FAT1: variants seen among roughly 807,000 people sequenced by gnomAD.
FAT1 encodes protocadherin Fat 1.
A neutral mutation model predicts 329.8 loss-of-function variants in FAT1; 171 were observed. The observed-to-expected ratio is 0.52, with a 90% confidence interval of 0.46 to 0.59. The LOEUF is 0.59. Among genes scored for constraint, FAT1 ranks in the 20% least tolerant of loss-of-function variants. The pLI, the probability that FAT1 is intolerant of heterozygous loss-of-function variation, is 0.00. For missense variants in FAT1, 5,672 were observed against 5,774.4 expected (o/e 0.98, Z 0.57); for synonymous variants, 2,233 against 2,228.6 (o/e 1.00, Z -0.06).
intron 3 of FAT1, among the ~76,000 whole-genome samples, chr4:186,660,649 G>T (rs1020620955): frequency 6.6e-6 from 1 of 152,218 alleles, no homozygotes; most frequent in African/African-American, 2.4e-5. Flanking sequence ...TGGACACCTG[G>T]AGAGGGTTTA....
intron 2 of FAT1, among the ~76,000 whole-genome samples, chr4:186,682,755 C>T (rs527861870): frequency 3.3e-5 from 5 of 152,122 alleles, no homozygotes; most frequent in Non-Finnish European, 7.3e-5. Flanking sequence ...AGAGGCAGCC[C>T]GGCAGATCAG....
rs2126505458 is a variant in FAT1 at position 186,619,427 on chromosome 4, G to C, written c.7159C>G (p.Pro2387Ala). Residue 2387 changes from proline (P) to alanine (A), a missense_variant, in exon 10 of 27, where the codon CCA (proline) becomes GCA (alanine). Coordinates refer to ENST00000441802, the MANE Select transcript of FAT1 (RefSeq NM_005245.4). The stretch of plus-strand genomic sequence containing the variant: ...TAAATCTGTTGTTCAAAGAGTGGTG[G>C]ATTATCATTGAGGTCGGTAACGTCC... The part of the protein sequence containing the change: ...TVDVTDLNDN[P>A]PLFEQQIYEA... 6.2e-7 allele frequency: 1 copy of C among 1,613,992 alleles called. No individual in the cohort carries two copies. The highest frequency in any genetic ancestry group is 8.5e-7 in the Non-Finnish European group (1 of 1,179,890).
chr4:186,636,008 T>C lies in FAT1; in HGVS notation c.4183+17A>G, dbSNP rs533483151. 1 of 1,612,038 alleles carries C rather than the reference T, an allele frequency of 6.2e-7. No individual in the cohort carries two copies. Among genetic ancestry groups the C allele is most frequent in the African/African-American group, 1.3e-5 (1 of 74,850 alleles). On this transcript the variant is annotated intron_variant, in intron 6 of 26. Coordinates refer to ENST00000441802, the MANE Select transcript of FAT1 (RefSeq NM_005245.4). ...GTGTAACCCATACGGACAACGAAAA[T>C]GAGGGGGAATGCTTACCAGTGATGT...
chr4:186,639,739 C>G lies in FAT1; in HGVS notation c.3625G>C (p.Asp1209His), dbSNP rs764360583. ...TSRKLDREQQ[D>H]EHILEVTVTD... is the part of the protein sequence containing the mutation. ...AAACTTACCTCTAATATGTGTTCAT[C>G]TTGCTGTTCTCGGTCTAGCTTCCTT... Residue 1209 changes from aspartate (D) to histidine (H), a missense_variant, in exon 4 of 27, where the codon GAT (aspartate) becomes CAT (histidine). Asp to His is a moderately conservative substitution (Grantham distance 81). This residue lies in a region of FAT1 where 3,966 missense variants were observed against 3,915.2 expected (regional missense o/e 1.01). Transcript: ENST00000441802. The G allele has an allele frequency of 1.2e-6, 2 of 1,612,114 alleles. No homozygotes were observed. The highest frequency in any genetic ancestry group is 1.7e-6 in the Non-Finnish European group (2 of 1,178,918).
chr4:186,713,744 C>A (rs1451633044), intron 1 of FAT1, among the ~76,000 whole-genome samples: 1 of 152,168 alleles, frequency 6.6e-6, no homozygotes, highest in Non-Finnish European at 1.5e-5. Context: ...AAGCTTTGAG[C>A]TTTCCGGGCC....
At chr4:186,658,031 G>A (rs754985176) in intron 3 of FAT1, among the ~76,000 whole-genome samples, 9 of 152,176 alleles carry the variant, frequency 5.9e-5, no homozygotes, top group Admixed American at 2.0e-4. Flanking sequence ...GCTCCAATCT[G>A]AGTTCTATGC....
rs2126353381 is a variant in FAT1, at chr4:186,588,965, G to A, written c.13394C>T (p.Pro4465Leu). Residue 4465 changes from proline (P) to leucine (L), a missense_variant, in exon 27 of 27, where the codon CCT becomes CTT. This residue lies in a region of FAT1 where 1,706 missense variants were observed against 1,859.1 expected (regional missense o/e 0.92). Transcript: ENST00000441802. ...FSNQFESIHP[P>L]RDMPAAGSLG... is the part of the protein sequence containing the mutation. ...GCTACCCGCGGCAGGCATGTCTCTA[G>A]GAGGGTGGATGGATTCAAACTGATT... The A allele has an allele frequency of 6.2e-7, 1 of 1,613,988 alleles. No individual in the cohort carries two copies. Among genetic ancestry groups the A allele is most frequent in the Non-Finnish European group, 8.5e-7 (1 of 1,179,882 alleles).
At chr4:186,651,050 T>TAAATAATTTATCTATTATC (rs1741621059) in intron 3 of FAT1, among the ~76,000 whole-genome samples, 1 of 149,458 alleles carries the variant, frequency 6.7e-6, no homozygotes, top group South Asian at 2.1e-4. Context: ...TTACTATTAT[T>TAAATAATTTATCTATTATC]AAATAATTTA....
At chr4:186,670,827 A>G (rs1328344686) in intron 2 of FAT1, among the ~76,000 whole-genome samples, 1 of 152,164 alleles carries the variant, frequency 6.6e-6, no homozygotes, top group African/African-American at 2.4e-5. Context: ...AGGAGACCAG[A>G]GAGACGTAAC....
chr4:186,613,681 T>A (rs768293860), intron 12 of FAT1, among the ~76,000 whole-genome samples: 9 of 152,252 alleles, frequency 5.9e-5, no homozygotes, highest in Non-Finnish European at 8.8e-5. Context: ...TCACAATTAG[T>A]TCTTTAGGAA....
chr4:186,675,809 AC>A (rs1742927326), intron 2 of FAT1, among the ~76,000 whole-genome samples: 5 of 151,518 alleles, frequency 3.3e-5, no homozygotes, highest in Admixed American at 3.3e-4. Flanking sequence ...ACACACACAC[AC>A]ACACACACAC....
intron 2 of FAT1, among the ~76,000 whole-genome samples, chr4:186,704,227 C>G (rs1195635605): frequency 1.3e-5 from 2 of 152,164 alleles, no homozygotes; most frequent in South Asian, 2.1e-4. Context: ...ACCACACTGC[C>G]CACAATCCCA....
intron 2 of FAT1, among the ~76,000 whole-genome samples, chr4:186,685,167 A>G (rs530428647): frequency 9.8e-5 from 15 of 152,316 alleles, no homozygotes; most frequent in African/African-American, 3.6e-4. Flanking sequence ...AGGGCATTAC[A>G]CTGAGATCAA....
rs1307543663 is a variant in FAT1, at chr4:186,618,776, T to G, written c.7810A>C (p.Asn2604His). The change falls in exon 10 of 27, where the codon AAT becomes CAT. Residue 2604 changes from asparagine to histidine, a missense_variant. Around this residue, in one of 2 missense-constraint regions of FAT1, gnomAD observed 3,966 missense variants for 3,915.2 expected, o/e 1.01. Coordinates refer to ENST00000441802, the MANE Select transcript of FAT1 (RefSeq NM_005245.4). ...PQFRATKYEV[N>H]IGSSAAKGTS... ...CCTTTAGCAGCACTGGACCCGATATTCACTTCGTATTTGGTTGCTCGAAAT... is the reference window on the plus strand; with the variant it reads ...CCTTTAGCAGCACTGGACCCGATATGCACTTCGTATTTGGTTGCTCGAAAT... The G allele has an allele frequency of 1.2e-6, 2 of 1,614,054 alleles. No homozygotes were observed. The highest frequency in any genetic ancestry group is 1.3e-5 in the African/African-American group (1 of 75,074).
At chr4:186,595,558 G>T in intron 26 of FAT1, 131 bp downstream of exon 26, 1 of 1,026,918 alleles carries the variant, frequency 9.7e-7, no homozygotes, top group Non-Finnish European at 1.4e-6. Context: ...GTATGGTATT[G>T]TTTAAAAGTG....
At chr4:186,605,016 C>A (rs556792455) in intron 17 of FAT1, among the ~76,000 whole-genome samples, 1 of 151,534 alleles carries the variant, frequency 6.6e-6, no homozygotes, top group Non-Finnish European at 1.5e-5. Context: ...GTCAGGAGTT[C>A]GAGACCAGCC....
At chr4:186,712,058 TG>T (rs1666402329) in intron 1 of FAT1, among the ~76,000 whole-genome samples, 1 of 152,256 alleles carries the variant, frequency 6.6e-6, no homozygotes. Flanking sequence ...AGGATTCTAT[TG>T]CAAGTACTAG....
In FAT1 at chr4:186,618,741, G is replaced by C. The variant is rs373652747; in HGVS notation, c.7845C>G (p.Val2615=). 14 of 1,613,858 alleles carry C rather than the reference G, an allele frequency of 8.7e-6. No individual in the cohort carries two copies. In the African/African-American group the frequency reaches 1.7e-4, roughly 20 times the overall value. The change falls in exon 10 of 27, where the codon GTC becomes GTG. Residue 2615 remains valine (V), a synonymous_variant. Transcript: ENST00000441802. ...IGSSAAKGTS[V]VKVLASDADE... is the part of the protein sequence containing the mutation. Reference sequence around the variant, plus strand: ...CGGCATCACTTGCAAGAACTTTAACGACTGAAGTCCCTTTAGCAGCACTGG... The same window carrying C: ...CGGCATCACTTGCAAGAACTTTAACCACTGAAGTCCCTTTAGCAGCACTGG...
At chr4:186,617,630 T>C (rs1739774149) in intron 10 of FAT1, 78 bp downstream of exon 10, 2 of 1,212,142 alleles carry the variant, frequency 1.6e-6, no homozygotes, top group South Asian at 1.7e-5. Context: ...CCAATTTCCA[T>C]ACAATACAGA....
Sources: gnomAD v4.1 joint callset for allele counts (sites outside exome capture counted in the v4.1 genomes callset) on GRCh38, gnomAD v4.1.1 for gene constraint, gnomAD v4.1.1 regional missense constraint, MANE v1.5 for transcripts, NCBI Gene and HGNC (gene_info 2026-07-23, HGNC 2026-07-21) for gene names.